Variants in CACNA2D2 observed in about 807,000 individuals in gnomAD.
The protein encoded by CACNA2D2 is voltage-dependent calcium channel subunit alpha-2/delta-2.
CACNA2D2 carries 48 observed loss-of-function variants against 166.4 expected under a neutral mutation model. The observed-to-expected ratio is 0.29, with a 90% CI of 0.23 to 0.37. CACNA2D2 has a LOEUF of 0.37. CACNA2D2 is among the 10% of genes least tolerant of loss of function. CACNA2D2 has a pLI of 1.00. For missense variants in CACNA2D2, 1,122 were observed against 1,433.0 expected, an observed-to-expected ratio of 0.78 and a Z score of 3.50; for synonymous variants, 561 against 573.7, an observed-to-expected ratio of 0.98 and a Z score of 0.32.
chr3:50,485,493 A>T (rs981804260), intron 1 of CACNA2D2, among the ~76,000 whole-genome samples: 4 of 152,262 alleles, frequency 2.6e-5, no homozygotes, highest in African/African-American at 9.6e-5. Context: ...AGCGCTGTAA[A>T]ACATGACTCC....
At chr3:50,493,770 C>A (rs6792502) in intron 1 of CACNA2D2, among the ~76,000 whole-genome samples, 48,076 of 152,154 alleles carry the variant, frequency 0.32, 11,192 homozygotes, top group African/African-American at 0.61. Context: ...GAGCTGGAGG[C>A]GGGGCACGGG....
At chr3:50,503,676 C>G (rs1185363412), upstream of CACNA2D2, 1 of 155,420 alleles carries the variant, frequency 6.4e-6, no homozygotes, top group Non-Finnish European at 1.4e-5. Flanking sequence ...GCAGCCGCCG[C>G]CAACCTGCCG....
chr3:50,451,813 C>T (rs1709117651), intron 2 of CACNA2D2, among the ~76,000 whole-genome samples: 2 of 152,182 alleles, frequency 1.3e-5, no homozygotes, highest in South Asian at 4.1e-4. Flanking sequence ...TCTCAGAGCC[C>T]ACCTCAGACC....
intron 3 of CACNA2D2, among the ~76,000 whole-genome samples, chr3:50,421,368 T>C (rs57278600): frequency 0.031 from 4,743 of 152,014 alleles, 238 homozygotes; most frequent in African/African-American, 0.11. Flanking sequence ...CCTGAGGAGA[T>C]TGTGGGGACT....
At chr3:50,475,174 C>CCGTAG (rs1175385454) in intron 2 of CACNA2D2, among the ~76,000 whole-genome samples, 6 of 152,230 alleles carry the variant, frequency 3.9e-5, no homozygotes, top group African/African-American at 1.4e-4. Context: ...ACAACCCCTA[C>CCGTAG]GGTCCCTGCC....
chr3:50,407,975 G>A (rs911789690), intron 3 of CACNA2D2, among the ~76,000 whole-genome samples: 6 of 152,162 alleles, frequency 3.9e-5, no homozygotes, highest in Middle Eastern at 3.2e-3. Context: ...GGATTGGTGC[G>A]GTAGGTGTTT....
chr3:50,422,821 G>A (rs1434087012), intron 3 of CACNA2D2, among the ~76,000 whole-genome samples: 1 of 152,240 alleles, frequency 6.6e-6, no homozygotes, highest in African/African-American at 2.4e-5. Flanking sequence ...CCTGGAAGCC[G>A]AGTCACCCTC....
chr3:50,376,017 C>G lies in CACNA2D2; in HGVS notation c.1719G>C (p.Glu573Asp). 1 of 1,613,406 alleles carries G rather than the reference C, an allele frequency of 6.2e-7. No homozygotes were observed. The highest frequency in any genetic ancestry group is 8.5e-7 in the Non-Finnish European group (1 of 1,179,992). Residue 573 changes from glutamate to aspartate, a missense_variant, in exon 19 of 38, where the codon GAG becomes GAC. By Grantham distance (45) the Glu-to-Asp change is conservative. Coordinates refer to ENST00000424201, the MANE Select transcript of CACNA2D2 (RefSeq NM_006030.4). The surrounding 1 kb of genome is among the most constrained non-coding windows in gnomAD (Gnocchi z 4.3). ...CATCCAGGAAGTCCAGAGTCACAGG[C>G]TCCCGGAAGTTGGTGGTCTGTTGGA... ...NLKPQTTNFR[E>D]PVTLDFLDAE...
chr3:50,494,146 C>T (rs1345166733), intron 1 of CACNA2D2, among the ~76,000 whole-genome samples: 1 of 152,110 alleles, frequency 6.6e-6, no homozygotes, highest in Non-Finnish European at 1.5e-5. Flanking sequence ...ACACCCACCA[C>T]GGACTCAGCT....
intron 3 of CACNA2D2, among the ~76,000 whole-genome samples, chr3:50,405,818 C>G (rs1706682840): frequency 6.6e-6 from 1 of 152,232 alleles, no homozygotes; most frequent in Admixed American, 6.5e-5. Context: ...TGTACTGAGG[C>G]ATCCCAGGCC....
intron 6 of CACNA2D2, among the ~76,000 whole-genome samples, chr3:50,381,981 TACAC>T (rs34662551): frequency 0.031 from 4,156 of 132,996 alleles, 59 homozygotes; most frequent in African/African-American, 0.039. Flanking sequence ...GATCTATCCC[TACAC>T]ACACACACAC....
chr3:50,413,676 A>G (rs1707134152), intron 3 of CACNA2D2, among the ~76,000 whole-genome samples: 1 of 152,182 alleles, frequency 6.6e-6, no homozygotes, highest in African/African-American at 2.4e-5. Flanking sequence ...GCGAAACCCC[A>G]ACTCTACTAA....
chr3:50,374,980 C>G (rs995674729), intron 21 of CACNA2D2, among the ~76,000 whole-genome samples, 167 bp from the exon 22 acceptor site: 1 of 152,076 alleles, frequency 6.6e-6, no homozygotes, highest in East Asian at 1.9e-4. Flanking sequence ...GTCTAGGGGC[C>G]GGCACCCTGG....
At chr3:50,472,760 C>G (rs2107072791) in intron 2 of CACNA2D2, among the ~76,000 whole-genome samples, 1 of 152,292 alleles carries the variant, frequency 6.6e-6, no homozygotes, top group Admixed American at 6.5e-5. Context: ...GCTCCACATC[C>G]TCCCCACCCC....
At chr3:50,396,851 T>A (rs1424094324) in intron 3 of CACNA2D2, among the ~76,000 whole-genome samples, 2 of 152,122 alleles carry the variant, frequency 1.3e-5, no homozygotes, top group Non-Finnish European at 2.9e-5. Flanking sequence ...TTCCCCAGGG[T>A]TGAGACTGGG....
rs141814201 is a variant in CACNA2D2 at position 50,401,785 on chromosome 3, T to C, written c.406-7617A>G. ...GTGCAGTGGTGCGATCTGAGCTCAA[T>C]GCAACCTCTGCCTCCTGGGTTCAGG... On this transcript the variant is annotated intron_variant, in intron 3 of 37. Coordinates refer to ENST00000424201, the MANE Select transcript of CACNA2D2 (RefSeq NM_006030.4). 4.8e-3 allele frequency among the ~76,000 whole-genome samples: 736 copies of C among 152,262 alleles called. 3 individuals carry two copies. Among genetic ancestry groups the C allele is most frequent in the Non-Finnish European group, 7.8e-3 (529 of 68,000 alleles).
At chr3:50,494,932 T>G (rs1698663721) in intron 1 of CACNA2D2, among the ~76,000 whole-genome samples, 1 of 152,192 alleles carries the variant, frequency 6.6e-6, no homozygotes, top group Admixed American at 6.5e-5. Flanking sequence ...CACCTCGGCC[T>G]CCTAAAGTGC....
chr3:50,395,010 G>A (rs993246339), intron 3 of CACNA2D2, among the ~76,000 whole-genome samples: 1 of 152,140 alleles, frequency 6.6e-6, no homozygotes, highest in African/African-American at 2.4e-5. Flanking sequence ...CCTAAGTCCG[G>A]GTCACCCAGA....
chr3:50,405,045 T>C (rs1706634117), intron 3 of CACNA2D2, among the ~76,000 whole-genome samples: 2 of 152,182 alleles, frequency 1.3e-5, no homozygotes, highest in Admixed American at 1.3e-4. Context: ...TTATACTTTT[T>C]CCTAAAACAC....
Sources: gnomAD v4.1 joint callset for allele counts (sites outside exome capture counted in the v4.1 genomes callset) on GRCh38, gnomAD v4.1.1 for gene constraint, Gnocchi (gnomAD v3.1) non-coding constraint, MANE v1.5 for transcripts, NCBI Gene and HGNC (gene_info 2026-07-23, HGNC 2026-07-21) for gene names.